Variants in KMT2E observed in about 807,000 individuals in gnomAD.
KMT2E encodes lysine methyltransferase 2E (inactive).
Under a neutral mutation model 184.6 loss-of-function variants are expected in KMT2E, and 30 were observed. The observed-to-expected ratio is 0.16, with a 90% CI of 0.12 to 0.22. The LOEUF is 0.22. Among genes scored for constraint, KMT2E ranks in the 10% least tolerant of loss-of-function variants. The pLI is 1.00. For missense variants in KMT2E, 2,023 were observed against 2,237.4 expected, an observed-to-expected ratio of 0.90 and a Z score of 1.93; for synonymous variants, 815 against 776.5, an observed-to-expected ratio of 1.05 and a Z score of -0.82.
At chr7:105,103,980 C>T (rs75451650) in intron 17 of KMT2E, 43 of 151,874 alleles carry the variant, frequency 2.8e-4, no homozygotes, top group African/African-American at 8.9e-4. Flanking sequence ...GCGCGCACTA[C>T]CAAAACCAGC....
In KMT2E at chr7:105,106,013, T is replaced by G. The variant is rs1317156516; in HGVS notation, c.2596+10T>G. 6.3e-7 allele frequency: 1 copy of G among 1,596,784 alleles called. No individual in the cohort carries two copies. Among genetic ancestry groups the G allele is most frequent in the Non-Finnish European group, 8.5e-7 (1 of 1,175,326 alleles). On this transcript the variant is annotated intron_variant, in intron 19 of 26. Coordinates refer to ENST00000311117, the MANE Select transcript of KMT2E (RefSeq NM_182931.3). ...AGCTGTTCCCTTCCAGGTAGAATTT[T>G]TTTTTCAGAGTTTTGGTTTGAGAAA...
intron 1 of KMT2E, among the ~76,000 whole-genome samples, chr7:105,022,160 A>C (rs1794982803): frequency 6.6e-6 from 1 of 152,200 alleles, no homozygotes; most frequent in African/African-American, 2.4e-5. Flanking sequence ...CAAATTCAGG[A>C]AATTTAACAT....
intron 1 of KMT2E, among the ~76,000 whole-genome samples, chr7:105,027,074 C>CTT (rs34930855): frequency 3.5e-3 from 288 of 81,848 alleles, no homozygotes; most frequent in Non-Finnish European, 5.1e-3. Flanking sequence ...GCCCCGCCCT[C>CTT]TTTTTTTTTT....
chr7:105,082,422 C>T (rs941893960), intron 13 of KMT2E, among the ~76,000 whole-genome samples: 1 of 152,112 alleles, frequency 6.6e-6, no homozygotes, highest in Non-Finnish European at 1.5e-5. Flanking sequence ...TGACAATTAA[C>T]ACATATTCTG....
intron 3 of KMT2E, among the ~76,000 whole-genome samples, chr7:105,059,272 A>C (rs1055816331): frequency 6.6e-6 from 1 of 152,200 alleles, no homozygotes; most frequent in African/African-American, 2.4e-5. Flanking sequence ...CATGTTTTGC[A>C]GAGTTTGATC....
chr7:105,109,016 C>A lies in KMT2E; in HGVS notation c.3543C>A (p.Leu1181=). Residue 1181 remains leucine (L), a synonymous_variant, in exon 23 of 27, where the codon CTC becomes CTA. Transcript: ENST00000311117. ...GCTCTAAGACAGAGAACTTTCCACT[C>A]ATTAGTGTATCACCCCATGCAAGTG... The part of the protein sequence containing the change: ...KSGSKTENFP[L]ISVSPHASGS... The A allele has an allele frequency of 6.2e-7, 1 of 1,614,104 alleles. No homozygotes were observed. The highest frequency in any genetic ancestry group is 1.1e-5 in the South Asian group (1 of 91,076).
intron 13 of KMT2E, among the ~76,000 whole-genome samples, chr7:105,085,801 G>A (rs1417512783): frequency 6.6e-6 from 1 of 151,248 alleles, no homozygotes; most frequent in African/African-American, 2.4e-5. Context: ...CTCCCGCCTC[G>A]GAGAGTATAG....
intron 1 of KMT2E, among the ~76,000 whole-genome samples, chr7:105,036,659 C>G (rs928173103): frequency 1.3e-5 from 2 of 152,166 alleles, no homozygotes; most frequent in African/African-American, 4.8e-5. Flanking sequence ...GCATTGTAAG[C>G]ACTCAGAATT....
intron 1 of KMT2E, among the ~76,000 whole-genome samples, chr7:105,032,015 G>A (rs185179006): frequency 1.7e-4 from 21 of 125,074 alleles, no homozygotes; most frequent in African/African-American, 2.5e-4. Context: ...ACAGTCAGCC[G>A]AAATCACACT....
At chr7:105,064,961 A>G (rs912273295) in intron 5 of KMT2E, among the ~76,000 whole-genome samples, 7 of 152,158 alleles carry the variant, frequency 4.6e-5, no homozygotes, top group South Asian at 4.1e-4. Flanking sequence ...GCGATGGTCT[A>G]TATATAAGAT....
At chr7:105,108,063 C>T in intron 22 of KMT2E, 138 bp downstream of exon 22, 1 of 606,400 alleles carries the variant, frequency 1.6e-6, no homozygotes, top group Non-Finnish European at 2.5e-6. Context: ...TATTTTTAAA[C>T]CTTTTGTAAA....
At chr7:105,093,013 A>G (rs946109564) in intron 15 of KMT2E, among the ~76,000 whole-genome samples, 1 of 152,092 alleles carries the variant, frequency 6.6e-6, no homozygotes, top group Non-Finnish European at 1.5e-5. Flanking sequence ...TGGGCAATAT[A>G]GCGAGACCTC....
rs771025341 is a variant in KMT2E at position 105,113,410 on chromosome 7, T to C, written c.*77T>C. On this transcript the variant is annotated 3_prime_UTR_variant, in exon 27 of 27. Transcript: ENST00000311117. ...TTCATATGTACCTGTTAAGGTACTT[T>C]TTAAAGCTTGTACATGAACCTTTGT... is the stretch of plus-strand genomic sequence containing the variant. 4 of 1,412,630 alleles carry C rather than the reference T, an allele frequency of 2.8e-6. No individual in the cohort carries two copies. The highest frequency in any genetic ancestry group is 3.8e-6 in the Non-Finnish European group (4 of 1,056,614). The allele number at this position is 1,412,630 out of a possible 1,614,324, so 87.5% of individuals were successfully genotyped here. A position where few individuals can be genotyped will look rare whatever the true frequency, so the allele number is the denominator to read the frequency against.
In KMT2E at chr7:105,093,685, C is replaced by CA. The variant is rs550722632; in HGVS notation, c.1722+2380dup. Among the ~76,000 whole-genome samples the CA allele has an allele frequency of 1.9e-3, 278 of 148,552 alleles. 1 individual carries two copies. The highest frequency in any genetic ancestry group is 7.0e-3 in the Middle Eastern group (2 of 284). On this transcript the variant is annotated intron_variant, in intron 15 of 26. Coordinates refer to ENST00000311117, the MANE Select transcript of KMT2E (RefSeq NM_182931.3). The stretch of plus-strand genomic sequence containing the variant: ...GGCAACAAGAGCGAAACTCCATCTC[C>CA]AAAAAAAAAGAGAATTGTATACTCA...
Position 105,112,764 on chromosome 7 carries a change from T to C in KMT2E, c.5008T>C (p.Ser1670Pro). 1.9e-6 allele frequency: 3 copies of C among 1,612,698 alleles called. No homozygotes were observed. Among genetic ancestry groups the C allele is most frequent in the Non-Finnish European group, 2.5e-6 (3 of 1,179,676 alleles). The stretch of plus-strand genomic sequence containing the variant: ...GGTCACCCCTGGGTCGCATATTCAT[T>C]CTCAAACTGCTGGACACCACTTACC... ...HAVTPGSHIH[S>P]QTAGHHLPPP... The change falls in exon 27 of 27, where the codon TCT (serine) becomes CCT (proline). Residue 1670 changes from serine (S) to proline (P), a missense_variant. Coordinates refer to ENST00000311117, the MANE Select transcript of KMT2E (RefSeq NM_182931.3).
intron 12 of KMT2E, among the ~76,000 whole-genome samples, chr7:105,080,765 C>G (rs1183486545): frequency 2.0e-5 from 3 of 152,202 alleles, no homozygotes; most frequent in African/African-American, 7.2e-5. Flanking sequence ...AATCCCAGCA[C>G]TTTGGGAGGC....
At chr7:105,016,703 G>A (rs544604607) in intron 1 of KMT2E, among the ~76,000 whole-genome samples, 2 of 152,278 alleles carry the variant, frequency 1.3e-5, no homozygotes, top group East Asian at 3.9e-4. Context: ...TCTGATTGTG[G>A]AGCAACGGAA....
intron 1 of KMT2E, among the ~76,000 whole-genome samples, chr7:105,032,152 A>C (rs1562879929): frequency 6.6e-6 from 1 of 151,656 alleles, no homozygotes; most frequent in East Asian, 1.9e-4. Context: ...AGTAAGTTAA[A>C]GATAAATGGG....
In KMT2E at chr7:105,106,658, C is replaced by T; in HGVS notation, c.2733C>T (p.Ala911=). 5 of 1,614,046 alleles carry T rather than the reference C, an allele frequency of 3.1e-6. No individual in the cohort carries two copies. Among genetic ancestry groups the T allele is most frequent in the Non-Finnish European group, 4.2e-6 (5 of 1,179,970 alleles). Residue 911 remains alanine (A), a synonymous_variant, in exon 20 of 27, where the codon GCC becomes GCT. Coordinates refer to ENST00000311117, the MANE Select transcript of KMT2E (RefSeq NM_182931.3). ...TDITPMDPSF[A]TPPRIKSDDE... is the part of the protein sequence containing the mutation. Reference sequence around the variant, plus strand: ...TTACTCCTATGGACCCATCTTTTGCCACGCCTCCACGGATAAAATCAGATG... The same window carrying T: ...TTACTCCTATGGACCCATCTTTTGCTACGCCTCCACGGATAAAATCAGATG...
Sources: gnomAD v4.1 joint callset for allele counts (sites outside exome capture counted in the v4.1 genomes callset) on GRCh38, gnomAD v4.1.1 for gene constraint, MANE v1.5 for transcripts, NCBI Gene and HGNC (gene_info 2026-07-23, HGNC 2026-07-21) for gene names.